The following SCHIP1 variants were observed in gnomAD, a reference collection of about 807,000 sequenced individuals.
SCHIP1 encodes schwannomin interacting protein 1.
Under a neutral mutation model 29.7 loss-of-function variants are expected in SCHIP1, and 8 were observed. The ratio of observed to expected loss-of-function variants is 0.27; its 90% confidence interval spans 0.16 to 0.49. The LOEUF (loss-of-function observed/expected upper bound fraction) is 0.49, where lower values mean the gene tolerates loss of function less well. Among genes scored for constraint, SCHIP1 ranks in the 20% least tolerant of loss-of-function variants. The probability of loss-of-function intolerance (pLI) is 0.99; values close to 1 mark genes in which losing one functional copy is unlikely to be tolerated. For missense variants in SCHIP1, 193 were observed against 294.6 expected (o/e 0.66, Z 2.52); for synonymous variants, 76 against 94.9 (o/e 0.80, Z 1.16).
At chr3:159,867,924 A>G (rs191010819) in intron 2 of SCHIP1, among the ~76,000 whole-genome samples, 5 of 147,036 alleles carry the variant, frequency 3.4e-5, no homozygotes, top group African/African-American at 1.2e-4. Flanking sequence ...CTGTTCAGCA[A>G]TGTCATATCC....
At chr3:159,345,231 A>G in the SCHIP1 span, among the ~76,000 whole-genome samples, 1,670 of 151,568 alleles carry the variant, frequency 0.011, 20 homozygotes, top group South Asian at 0.033. Flanking sequence ...TGTCTCAAAA[A>G]AAAAAAAAAA....
At chr3:159,828,399 A>G in the SCHIP1 span, among the ~76,000 whole-genome samples, 57 of 49,624 alleles carry the variant, frequency 1.1e-3, 1 homozygote, top group East Asian at 0.011. Flanking sequence ...ATATATACGT[A>G]TATATATACG....
the SCHIP1 span, among the ~76,000 whole-genome samples, chr3:159,331,642 T>A: frequency 6.6e-6 from 1 of 152,230 alleles, no homozygotes; most frequent in African/African-American, 2.4e-5. Context: ...CGGATGAAAT[T>A]CTATCAATTT....
the SCHIP1 span, among the ~76,000 whole-genome samples, chr3:159,671,946 A>G: frequency 1.3e-5 from 2 of 152,298 alleles, no homozygotes; most frequent in Non-Finnish European, 2.9e-5. Context: ...ACACCAGGAG[A>G]GCACTTGGTA....
chr3:159,611,101 A>G, the SCHIP1 span, among the ~76,000 whole-genome samples: 4 of 152,202 alleles, frequency 2.6e-5, no homozygotes, highest in African/African-American at 9.6e-5. Flanking sequence ...TCTGTGGTAT[A>G]AAGCCAATAC....
chr3:159,331,566 A>G, the SCHIP1 span, among the ~76,000 whole-genome samples: 1 of 152,090 alleles, frequency 6.6e-6, no homozygotes, highest in South Asian at 2.1e-4. Flanking sequence ...TACATCCTGG[A>G]GAATGCGCTA....
the SCHIP1 span, among the ~76,000 whole-genome samples, chr3:159,426,555 G>C: frequency 1.3e-4 from 20 of 152,092 alleles, no homozygotes; most frequent in African/African-American, 4.1e-4. Context: ...GCTTACCAAC[G>C]AAAAAGAGTC....
the SCHIP1 span, among the ~76,000 whole-genome samples, chr3:159,599,534 G>A: frequency 6.6e-6 from 1 of 152,114 alleles, no homozygotes; most frequent in African/African-American, 2.4e-5. Flanking sequence ...ATATTACTTA[G>A]AATAAGGGTC....
chr3:159,614,346 T>C, the SCHIP1 span, among the ~76,000 whole-genome samples: 1 of 152,386 alleles, frequency 6.6e-6, no homozygotes, highest in Non-Finnish European at 1.5e-5. Context: ...AAAATTATAC[T>C]GTGTCCTAAT....
chr3:159,288,881 T>C, the SCHIP1 span, among the ~76,000 whole-genome samples: 14 of 152,138 alleles, frequency 9.2e-5, no homozygotes, highest in Admixed American at 9.2e-4. Flanking sequence ...CTCCCCATGC[T>C]CCATACACCG....
At chr3:159,274,686 C>A in the SCHIP1 span, 168 of 819,554 alleles carry the variant, frequency 2.0e-4, 1 homozygote, top group Admixed American at 0.01. Flanking sequence ...CAGAATGACC[C>A]CAACAGATAT....
chr3:159,382,091 CTT>C, the SCHIP1 span, among the ~76,000 whole-genome samples: 1 of 144,050 alleles, frequency 6.9e-6, no homozygotes, highest in African/African-American at 2.5e-5. Flanking sequence ...GCCACACTTA[CTT>C]TTTTTTTTTT....
the SCHIP1 span, among the ~76,000 whole-genome samples, chr3:159,781,596 A>G: frequency 6.6e-6 from 1 of 152,222 alleles, no homozygotes; most frequent in African/African-American, 2.4e-5. Context: ...ACTTTACTCA[A>G]TGAGTGAATA....
At chr3:159,447,693 C>T in the SCHIP1 span, among the ~76,000 whole-genome samples, 4 of 152,194 alleles carry the variant, frequency 2.6e-5, no homozygotes, top group African/African-American at 7.2e-5. Flanking sequence ...TCCCACCCTG[C>T]TTCCCAGGCT....
chr3:159,511,458 G>A, the SCHIP1 span, among the ~76,000 whole-genome samples: 4 of 152,278 alleles, frequency 2.6e-5, no homozygotes, highest in South Asian at 6.2e-4. Context: ...CACACTCGGT[G>A]CACTGCATCC....
chr3:159,727,501 C>G, the SCHIP1 span, among the ~76,000 whole-genome samples: 1 of 152,156 alleles, frequency 6.6e-6, no homozygotes, highest in Non-Finnish European at 1.5e-5. Flanking sequence ...GGTGCATAAA[C>G]TCGCAAGGGT....
the SCHIP1 span, among the ~76,000 whole-genome samples, chr3:159,781,545 C>T: frequency 0.21 from 31,755 of 152,150 alleles, 3,413 homozygotes; most frequent in African/African-American, 0.24. Context: ...ATGATGTCTG[C>T]CAAGAATTTT....
the SCHIP1 span, among the ~76,000 whole-genome samples, chr3:159,376,359 T>C: frequency 6.6e-6 from 1 of 152,158 alleles, no homozygotes; most frequent in Non-Finnish European, 1.5e-5. Context: ...GCACTGGAAG[T>C]TGGTCAACCT....
chr3:159,744,845 C>T, the SCHIP1 span, among the ~76,000 whole-genome samples: 4 of 152,216 alleles, frequency 2.6e-5, no homozygotes, highest in African/African-American at 4.8e-5. Flanking sequence ...ATTAGCTGGG[C>T]GTGGTGGCAG....
Sources: allele counts gnomAD v4.1 joint callset (sites outside exome capture counted in the v4.1 genomes callset), GRCh38; gene constraint gnomAD v4.1.1; transcripts MANE v1.5; gene names NCBI Gene and HGNC (gene_info 2026-07-23, HGNC 2026-07-21).